The following POLN variants were observed in gnomAD, a reference collection of about 807,000 sequenced individuals.
The protein encoded by POLN is DNA polymerase N.
In POLN, 108 loss-of-function variants were observed where a neutral mutation model predicts 113.5. The observed-to-expected ratio is 0.95, with a 90% CI of 0.81 to 1.12. POLN has a LOEUF of 1.12. Among genes scored for constraint, POLN ranks in the 50% most tolerant of loss-of-function variants. POLN has a pLI of 0.00. For synonymous variants in POLN, 386 were observed against 391.5 expected (o/e 0.99, Z 0.17); for missense variants, 1,097 against 1,077.1 (o/e 1.02, Z -0.26).
intron 5 of POLN, among the ~76,000 whole-genome samples, chr4:2,207,332 GAGGAAAGGAA>G (rs200338592): frequency 1.8e-3 from 279 of 151,128 alleles, no homozygotes; most frequent in Middle Eastern, 0.01. Flanking sequence ...CAGGAAAGTA[GAGGAAAGGAA>G]AGGAAAGGAA....
chr4:2,104,305 T>C (rs1430624849), intron 19 of POLN, among the ~76,000 whole-genome samples: 1 of 152,158 alleles, frequency 6.6e-6, no homozygotes, highest in Non-Finnish European at 1.5e-5. Context: ...GACAGACAGT[T>C]AGGTGTTTCC....
chr4:2,100,838 A>C (rs1355810225), intron 19 of POLN, among the ~76,000 whole-genome samples: 1 of 152,274 alleles, frequency 6.6e-6, no homozygotes, highest in African/African-American at 2.4e-5. Flanking sequence ...GTTGGAATTG[A>C]CTAATTATTT....
chr4:2,078,689 G>A (rs1435616456), intron 23 of POLN: 5 of 985,256 alleles, frequency 5.1e-6, no homozygotes, highest in Admixed American at 1.2e-4. Flanking sequence ...AACAAATCAC[G>A]TTCACAAAAC....
At chr4:2,210,611 AT>A (rs1405541354) in intron 4 of POLN, among the ~76,000 whole-genome samples, 42 of 135,256 alleles carry the variant, frequency 3.1e-4, no homozygotes, top group Non-Finnish European at 5.7e-4. Flanking sequence ...AATAATAATA[AT>A]AATAATAATA....
At chr4:2,208,650 G>A (rs1733917762) in intron 4 of POLN, among the ~76,000 whole-genome samples, 163 bp from the exon 5 acceptor site, 1 of 152,108 alleles carries the variant, frequency 6.6e-6, no homozygotes, top group South Asian at 2.1e-4. Flanking sequence ...GTCTTCTAGA[G>A]CAGTGATTTT....
intron 11 of POLN, 111 bp downstream of exon 11, chr4:2,173,844 C>A: frequency 9.3e-7 from 1 of 1,073,002 alleles, no homozygotes; most frequent in Non-Finnish European, 1.4e-6. Context: ...ACTGTCAACA[C>A]CAAACAAGGA....
chr4:2,133,871 T>C (rs1731788419), intron 16 of POLN, among the ~76,000 whole-genome samples: 1 of 152,240 alleles, frequency 6.6e-6, no homozygotes, highest in Non-Finnish European at 1.5e-5. Flanking sequence ...AAAATTTACA[T>C]ACATTATAGT....
chr4:2,111,756 G>C (rs1731199503), intron 19 of POLN, among the ~76,000 whole-genome samples: 1 of 152,138 alleles, frequency 6.6e-6, no homozygotes, highest in Non-Finnish European at 1.5e-5. Context: ...CAAACAAATG[G>C]AAGAACATTC....
chr4:2,237,665 C>T (rs1036335894), intron 2 of POLN, among the ~76,000 whole-genome samples: 1 of 152,128 alleles, frequency 6.6e-6, no homozygotes, highest in Non-Finnish European at 1.5e-5. Context: ...AACTACTACA[C>T]ATCTTAACCT....
chr4:2,110,271 C>T (rs1192652562), intron 19 of POLN, among the ~76,000 whole-genome samples: 7 of 151,988 alleles, frequency 4.6e-5, no homozygotes, highest in Non-Finnish European at 1.0e-4. Context: ...GCACTAAATG[C>T]CCACAAGAGA....
At position 2,174,090 on chromosome 4, in the gene POLN, C is replaced by T. The variant is rs185240749; in HGVS notation, c.1310-71G>A. 1.9e-4 allele frequency: 275 copies of T among 1,436,434 alleles called. 4 individuals are homozygous for T. The East Asian group carries it at 4.1e-3, about 21-fold the overall frequency. The allele number at this position is 1,436,434 out of a possible 1,614,324, so 89.0% of individuals were successfully genotyped here. ...CTTTTTACTAAAGACTAAAATGCTT[C>T]GCTCCCTGATGAGGACAATAATGAC... On this transcript the variant is annotated intron_variant, in intron 10 of 25. Coordinates refer to ENST00000511885, the MANE Select transcript of POLN (RefSeq NM_181808.4).
chr4:2,081,845 C>A, intron 21 of POLN, 102 bp from the exon 22 acceptor site: 1 of 935,764 alleles, frequency 1.1e-6, no homozygotes, highest in Non-Finnish European at 1.7e-6. Flanking sequence ...GACAGCCGCA[C>A]TGCAGTGCAG....
chr4:2,241,295 C>G (rs2108782161), intron 2 of POLN, among the ~76,000 whole-genome samples: 1 of 152,298 alleles, frequency 6.6e-6, no homozygotes, highest in Non-Finnish European at 1.5e-5. Context: ...AAGTAATTAA[C>G]AAGAAAGTGG....
At chr4:2,159,522 C>T (rs34457199) in intron 13 of POLN, among the ~76,000 whole-genome samples, 6 of 152,104 alleles carry the variant, frequency 3.9e-5, no homozygotes, top group East Asian at 1.9e-4. Flanking sequence ...ACGTATAGCT[C>T]GATAACTGCA....
At position 2,126,483 on chromosome 4, in the gene POLN, C is replaced by T. The variant is rs1038928615; in HGVS notation, c.1982+1630G>A. On this transcript the variant is annotated intron_variant, in intron 19 of 25. Transcript: ENST00000511885. The surrounding 1 kb of genome is among the most constrained non-coding windows in gnomAD (Gnocchi z 4.6). ...GTAGGGACGAGGGTGGATGAGGTCT[C>T]GGCCCCTGGGCGCTGTCGCTGCAGC... 6.6e-6 allele frequency among the ~76,000 whole-genome samples: 1 copy of T among 152,192 alleles called. No homozygotes were observed. The highest frequency in any genetic ancestry group is 1.5e-5 in the Non-Finnish European group (1 of 68,044).
intron 7 of POLN, among the ~76,000 whole-genome samples, chr4:2,190,440 T>C (rs932131749): frequency 5.9e-5 from 9 of 151,584 alleles, no homozygotes; most frequent in South Asian, 2.1e-4. Flanking sequence ...GAAGAAAACA[T>C]TGGGAAAATG....
intron 21 of POLN, 137 bp from the exon 22 acceptor site, chr4:2,081,880 C>T (rs771069567): frequency 5.9e-5 from 36 of 606,046 alleles, no homozygotes; most frequent in Non-Finnish European, 9.0e-5. Flanking sequence ...CTGGGCCCTT[C>T]GGGTCTATCA....
intron 13 of POLN, among the ~76,000 whole-genome samples, chr4:2,164,802 C>CAAAAAAA (rs33935159): frequency 7.0e-5 from 2 of 28,722 alleles, no homozygotes; most frequent in South Asian, 1.7e-3. Flanking sequence ...GACTCTGTCT[C>CAAAAAAA]AAAAAAAAAA....
chr4:2,193,005 A>T (rs1035629928), intron 7 of POLN, among the ~76,000 whole-genome samples, 199 bp downstream of exon 7: 9 of 152,092 alleles, frequency 5.9e-5, no homozygotes, highest in Admixed American at 5.9e-4. Flanking sequence ...AGTAATATAT[A>T]CTTGTAAAAA....
Sources: allele counts gnomAD v4.1 joint callset (sites outside exome capture counted in the v4.1 genomes callset), GRCh38; gene constraint gnomAD v4.1.1; non-coding constraint Gnocchi (gnomAD v3.1); transcripts MANE v1.5; gene names NCBI Gene and HGNC (gene_info 2026-07-23, HGNC 2026-07-21).